The following NXPH1 variants were observed in gnomAD, a reference collection of about 807,000 sequenced individuals.
NXPH1 encodes the protein neurexophilin-1.
Under a neutral mutation model 23.7 loss-of-function variants are expected in NXPH1, and 5 were observed. The ratio of observed to expected loss-of-function variants is 0.21; its 90% CI spans 0.11 to 0.44. The LOEUF (loss-of-function observed/expected upper bound fraction) is 0.44, where lower values mean the gene tolerates loss of function less well. NXPH1 is among the 20% of genes least tolerant of loss of function. The pLI, the probability that NXPH1 is intolerant of heterozygous loss-of-function variation, is 0.99. For synonymous variants in NXPH1, 144 were observed against 122.2 expected, an observed-to-expected ratio of 1.18 and a Z score of -1.18; for missense variants, 324 against 321.6, an observed-to-expected ratio of 1.01 and a Z score of -0.06.
chr7:8,734,020 G>A (rs1172025087), intron 2 of NXPH1, among the ~76,000 whole-genome samples: 1 of 152,148 alleles, frequency 6.6e-6, no homozygotes. Context: ...TTATGTTTAA[G>A]TCTTTAATCC....
chr7:8,715,271 C>T lies in NXPH1; in HGVS notation c.55-35737C>T, dbSNP rs146603343. 1.1e-3 allele frequency among the ~76,000 whole-genome samples: 172 copies of T among 152,246 alleles called. 1 individual carries two copies. Among genetic ancestry groups the T allele is most frequent in the South Asian group, 2.9e-3 (14 of 4,822 alleles). ...TCTCCCTCCCGCAGGTGCCCAGGTT[C>T]TCTCTCCATACCACATGGCGAACTG... On this transcript the variant is annotated intron_variant, in intron 2 of 2. Coordinates refer to ENST00000405863, the MANE Select transcript of NXPH1 (RefSeq NM_152745.3).
intron 2 of NXPH1, among the ~76,000 whole-genome samples, chr7:8,643,769 C>T (rs141500657): frequency 5.9e-4 from 89 of 152,082 alleles, no homozygotes; most frequent in African/African-American, 2.1e-3. Context: ...TATTAGAGTA[C>T]CCTTCTATGA....
chr7:8,749,116 A>T (rs771199452), intron 2 of NXPH1, among the ~76,000 whole-genome samples: 9 of 152,284 alleles, frequency 5.9e-5, no homozygotes, highest in African/African-American at 2.2e-4. Context: ...CAAGATCTCC[A>T]TATGTATTAT....
At chr7:8,546,181 G>A (rs1392185520) in intron 2 of NXPH1, among the ~76,000 whole-genome samples, 1 of 151,408 alleles carries the variant, frequency 6.6e-6, no homozygotes, top group African/African-American at 2.4e-5. Flanking sequence ...AGATTGACAT[G>A]TTAAAGAATA....
chr7:8,713,173 T>C (rs370082618), intron 2 of NXPH1, among the ~76,000 whole-genome samples: 2 of 152,274 alleles, frequency 1.3e-5, no homozygotes, highest in South Asian at 4.1e-4. Flanking sequence ...TATTTTCAAA[T>C]AGCCTATCTT....
intron 2 of NXPH1, among the ~76,000 whole-genome samples, chr7:8,593,237 C>T (rs557701055): frequency 3.4e-5 from 5 of 148,988 alleles, no homozygotes; most frequent in Admixed American, 2.0e-4. Context: ...AGGAGGCATT[C>T]GGTAACGGGT....
chr7:8,679,823 C>T (rs1821023821), intron 2 of NXPH1, among the ~76,000 whole-genome samples: 1 of 152,226 alleles, frequency 6.6e-6, no homozygotes, highest in African/African-American at 2.4e-5. Flanking sequence ...GAGTTCGAGA[C>T]CAGCCTGACC....
intron 2 of NXPH1, among the ~76,000 whole-genome samples, chr7:8,736,657 T>C (rs1041796024): frequency 1.1e-4 from 16 of 152,182 alleles, no homozygotes; most frequent in Admixed American, 9.2e-4. Flanking sequence ...TCTTGGTCCA[T>C]AGCTGAGTTC....
intron 2 of NXPH1, among the ~76,000 whole-genome samples, chr7:8,679,523 T>A (rs1460423122): frequency 6.6e-6 from 1 of 152,220 alleles, no homozygotes; most frequent in Non-Finnish European, 1.5e-5. Flanking sequence ...CATAGCAGGT[T>A]TGAAATTGTT....
intron 2 of NXPH1, among the ~76,000 whole-genome samples, chr7:8,624,314 G>C (rs145877041): frequency 3.2e-3 from 492 of 152,262 alleles, no homozygotes; most frequent in African/African-American, 0.011. Context: ...TGTTTCCAGT[G>C]AATATGAGCT....
At chr7:8,574,643 G>T (rs1323189890) in intron 2 of NXPH1, among the ~76,000 whole-genome samples, 3 of 152,096 alleles carry the variant, frequency 2.0e-5, no homozygotes, top group African/African-American at 4.8e-5. Flanking sequence ...TTAGTGGGTG[G>T]GACAATGAAA....
chr7:8,722,109 G>A (rs968948651), intron 2 of NXPH1, among the ~76,000 whole-genome samples: 1 of 151,938 alleles, frequency 6.6e-6, no homozygotes, highest in Non-Finnish European at 1.5e-5. Flanking sequence ...TGGGTTATAT[G>A]GAATGAGTTG....
At chr7:8,582,468 G>A (rs1562411356) in intron 2 of NXPH1, among the ~76,000 whole-genome samples, 1 of 152,184 alleles carries the variant, frequency 6.6e-6, no homozygotes. Flanking sequence ...GAGACTTGGA[G>A]CATGTAGCTC....
chr7:8,485,659 G>C (rs1227017306), intron 2 of NXPH1, among the ~76,000 whole-genome samples: 1 of 152,030 alleles, frequency 6.6e-6, no homozygotes, highest in Middle Eastern at 3.2e-3. Context: ...AGGCGGGGAG[G>C]GGGCTCAAAA....
intron 2 of NXPH1, among the ~76,000 whole-genome samples, chr7:8,499,336 G>T (rs766407284): frequency 2.0e-5 from 3 of 151,970 alleles, no homozygotes; most frequent in African/African-American, 7.2e-5. Context: ...GCCCTCCCAG[G>T]GTTCATAGCA....
At chr7:8,485,761 C>A (rs116507642) in intron 2 of NXPH1, among the ~76,000 whole-genome samples, 3 of 152,110 alleles carry the variant, frequency 2.0e-5, no homozygotes, top group Non-Finnish European at 2.9e-5. Context: ...TCAAGGGAGA[C>A]ATCAGAGGCA....
intron 2 of NXPH1, among the ~76,000 whole-genome samples, chr7:8,720,040 C>T (rs1244693066): frequency 1.3e-5 from 2 of 152,048 alleles, no homozygotes; most frequent in South Asian, 2.1e-4. Flanking sequence ...GTATAAGCAC[C>T]TGGTGTATTA....
chr7:8,527,924 C>G (rs2128616863), intron 2 of NXPH1, among the ~76,000 whole-genome samples: 1 of 152,342 alleles, frequency 6.6e-6, no homozygotes, highest in African/African-American at 2.4e-5. Flanking sequence ...TGACCCGTGA[C>G]ATGCTATCTA....
At chr7:8,437,402 G>T (rs1163311977) in intron 2 of NXPH1, among the ~76,000 whole-genome samples, 1 of 140,196 alleles carries the variant, frequency 7.1e-6, no homozygotes, top group Non-Finnish European at 1.6e-5. Flanking sequence ...ACGGGGGCGG[G>T]GGGGAGGTAA....
Sources: gnomAD v4.1 joint callset for allele counts (sites outside exome capture counted in the v4.1 genomes callset) on GRCh38, gnomAD v4.1.1 for gene constraint, MANE v1.5 for transcripts, NCBI Gene and HGNC (gene_info 2026-07-23, HGNC 2026-07-21) for gene names.